EPC2: variants seen among roughly 807,000 people sequenced by gnomAD.
EPC2 encodes the protein enhancer of polycomb 2.
In EPC2, 14 loss-of-function variants were observed where a neutral mutation model predicts 92.1. The observed-to-expected ratio is 0.15, with a 90% confidence interval of 0.10 to 0.24. EPC2 has a LOEUF of 0.24. Ranked by LOEUF, EPC2 falls within the 10% of genes least tolerant of loss-of-function variation. The probability of loss-of-function intolerance (pLI) is 1.00; values close to 1 mark genes in which losing one functional copy is unlikely to be tolerated. For missense variants in EPC2, 755 were observed against 971.5 expected, an observed-to-expected ratio of 0.78 and a Z score of 2.96; for synonymous variants, 340 against 334.7, an observed-to-expected ratio of 1.02 and a Z score of -0.17.
chr2:148,746,659 T>C (rs1682991419), intron 3 of EPC2, among the ~76,000 whole-genome samples: 1 of 151,970 alleles, frequency 6.6e-6, no homozygotes, highest in African/African-American at 2.4e-5. Flanking sequence ...ATATAGAGAG[T>C]AGATTACATA....
chr2:148,706,489 A>G (rs1474359397), intron 2 of EPC2, among the ~76,000 whole-genome samples: 1 of 152,180 alleles, frequency 6.6e-6, no homozygotes, highest in African/African-American at 2.4e-5. Flanking sequence ...TTCAGGAAAT[A>G]CAGAGAACAC....
chr2:148,748,741 C>T (rs528770917), intron 3 of EPC2, among the ~76,000 whole-genome samples: 2 of 151,916 alleles, frequency 1.3e-5, no homozygotes, highest in East Asian at 3.8e-4. Flanking sequence ...AAAGTTTTGA[C>T]TGCATTTTGA....
chr2:148,748,227 C>A (rs943304591), intron 3 of EPC2, among the ~76,000 whole-genome samples: 2 of 152,102 alleles, frequency 1.3e-5, no homozygotes, highest in African/African-American at 4.8e-5. Context: ...GTGCCTGCTT[C>A]CCTTTCGCCT....
chr2:148,785,872 TAATA>T (rs545463666), intron 13 of EPC2, among the ~76,000 whole-genome samples: 2 of 152,198 alleles, frequency 1.3e-5, no homozygotes, highest in South Asian at 2.1e-4. Flanking sequence ...TTGCATAGGT[TAATA>T]AATACATGAT....
At chr2:148,649,403 G>T (rs919212295) in intron 1 of EPC2, among the ~76,000 whole-genome samples, 1 of 152,102 alleles carries the variant, frequency 6.6e-6, no homozygotes, top group African/African-American at 2.4e-5. Context: ...TGTAGATTAG[G>T]TTGCCTTTTC....
intron 2 of EPC2, among the ~76,000 whole-genome samples, chr2:148,726,556 T>G (rs61214233): frequency 0.14 from 21,199 of 152,100 alleles, 2,419 homozygotes; most frequent in East Asian, 0.45. Flanking sequence ...CCCTGATGAT[T>G]ACTGATGTTG....
intron 1 of EPC2, among the ~76,000 whole-genome samples, chr2:148,661,704 A>G (rs1680938558): frequency 6.8e-6 from 1 of 147,924 alleles, no homozygotes; most frequent in South Asian, 2.2e-4. Flanking sequence ...ATTATGTAAT[A>G]CATAAAAGTA....
At chr2:148,702,354 A>AT (rs1157266670) in intron 2 of EPC2, among the ~76,000 whole-genome samples, 1 of 152,074 alleles carries the variant, frequency 6.6e-6, no homozygotes, top group African/African-American at 2.4e-5. Flanking sequence ...TCTCTGTTTC[A>AT]TTTTCCCTCA....
intron 1 of EPC2, among the ~76,000 whole-genome samples, chr2:148,673,259 T>C (rs80217503): frequency 0.016 from 2,379 of 152,310 alleles, 67 homozygotes; most frequent in African/African-American, 0.055. Context: ...TTTTTGCCAT[T>C]ATTTCTTCAA....
chr2:148,709,115 T>A (rs1682074305), intron 2 of EPC2, among the ~76,000 whole-genome samples: 1 of 152,200 alleles, frequency 6.6e-6, no homozygotes, highest in South Asian at 2.1e-4. Context: ...CAGCCCAAAA[T>A]CTCCTTAAGC....
intron 2 of EPC2, among the ~76,000 whole-genome samples, chr2:148,707,160 A>C (rs1682018684): frequency 6.6e-6 from 1 of 152,222 alleles, no homozygotes; most frequent in South Asian, 2.1e-4. Flanking sequence ...AAGATCTACC[A>C]AGCAAATGGA....
chr2:148,691,469 A>T, intron 2 of EPC2: 1 of 1,517,456 alleles, frequency 6.6e-7, no homozygotes, highest in East Asian at 2.5e-5. Flanking sequence ...CTGAAACATC[A>T]CCAGCTTTAA....
intron 3 of EPC2, among the ~76,000 whole-genome samples, chr2:148,745,967 A>G (rs1341148808): frequency 6.6e-6 from 1 of 152,066 alleles, no homozygotes; most frequent in African/African-American, 2.4e-5. Context: ...CAATCTGTTT[A>G]TTTGATTTGT....
At chr2:148,720,864 A>G (rs771091689) in intron 2 of EPC2, among the ~76,000 whole-genome samples, 1 of 152,188 alleles carries the variant, frequency 6.6e-6, no homozygotes, top group East Asian at 1.9e-4. Flanking sequence ...TTGAAAGTGC[A>G]GTATTCACTC....
chr2:148,732,862 CAT>C (rs1009025125), intron 2 of EPC2, among the ~76,000 whole-genome samples: 3 of 149,326 alleles, frequency 2.0e-5, no homozygotes, highest in African/African-American at 7.4e-5. Flanking sequence ...GAATATCTAT[CAT>C]GTTATAGCAG....
intron 10 of EPC2, among the ~76,000 whole-genome samples, chr2:148,772,281 A>T (rs146910979): frequency 3.9e-4 from 60 of 152,308 alleles, no homozygotes; most frequent in African/African-American, 1.4e-3. Flanking sequence ...TCTCTTTATC[A>T]CATGTATGCA....
rs567030312 is a variant in EPC2, at chr2:148,734,014, A to G, written c.314-9608A>G. 1.1e-3 allele frequency among the ~76,000 whole-genome samples: 173 copies of G among 152,320 alleles called. 1 individual carries two copies. The highest frequency in any genetic ancestry group is 4.0e-3 in the African/African-American group (168 of 41,564). ...TTTCTTTTCCAAGAAAATGGAAAAC[A>G]TATAGGAAAAGAAATGATTTGTGAT... is the stretch of plus-strand genomic sequence containing the variant. On this transcript the variant is annotated intron_variant, in intron 2 of 13. Coordinates refer to ENST00000258484, the MANE Select transcript of EPC2 (RefSeq NM_015630.4).
intron 2 of EPC2, among the ~76,000 whole-genome samples, chr2:148,740,482 C>G (rs971025991): frequency 7.2e-5 from 11 of 151,974 alleles, no homozygotes; most frequent in African/African-American, 2.7e-4. Flanking sequence ...AAGTCTTTGC[C>G]CTGGTTCTGA....
chr2:148,687,149 C>T (rs1215292380), intron 1 of EPC2, among the ~76,000 whole-genome samples: 3 of 152,194 alleles, frequency 2.0e-5, no homozygotes, highest in Admixed American at 6.5e-5. Flanking sequence ...CCTCACCTTG[C>T]GCTTTTATGT....
Sources: allele counts gnomAD v4.1 joint callset (sites outside exome capture counted in the v4.1 genomes callset), GRCh38; gene constraint gnomAD v4.1.1; transcripts MANE v1.5; gene names NCBI Gene and HGNC (gene_info 2026-07-23, HGNC 2026-07-21).